The following TMEM272 variants were observed in gnomAD, a reference collection of about 807,000 sequenced individuals.
TMEM272 encodes long intergenic non-protein coding RNA 282.
A neutral mutation model predicts 3.7 loss-of-function variants in TMEM272; 8 were observed. That is an observed-to-expected ratio of 2.17 (90% CI 1.27 to 3.91). The LOEUF (loss-of-function observed/expected upper bound fraction) is 3.91. TMEM272 is among the 30% of genes most tolerant of loss of function. TMEM272 has a pLI of 0.00. For synonymous variants in TMEM272, 63 were observed against 39.8 expected (o/e 1.58, Z -2.20); for missense variants, 166 against 91.5 (o/e 1.81, Z -3.32).
the TMEM272 span, among the ~76,000 whole-genome samples, chr13:51,877,834 A>G: frequency 2.0e-5 from 3 of 152,236 alleles, no homozygotes; most frequent in Non-Finnish European, 1.5e-5. Flanking sequence ...TAAGAAACTT[A>G]AAATTGTAAT....
At chr13:51,894,003 C>G in the TMEM272 span, among the ~76,000 whole-genome samples, 1 of 152,148 alleles carries the variant, frequency 6.6e-6, no homozygotes, top group Non-Finnish European at 1.5e-5. Flanking sequence ...CAGGACGGAG[C>G]CTGGAAGGCC....
At chr13:51,830,607 G>T (rs1456439741) in intron 2 of TMEM272, among the ~76,000 whole-genome samples, 1 of 152,154 alleles carries the variant, frequency 6.6e-6, no homozygotes, top group African/African-American at 2.4e-5. Context: ...ATAAATGCTG[G>T]CCATTATCAT....
At chr13:51,883,745 T>G in the TMEM272 span, among the ~76,000 whole-genome samples, 2 of 152,228 alleles carry the variant, frequency 1.3e-5, no homozygotes, top group Non-Finnish European at 2.9e-5. Flanking sequence ...CATCCCTGTC[T>G]GCCCAGGAAT....
Position 51,816,770 on chromosome 13 carries a change from A to T in TMEM272, c.545T>A (p.Leu182His). 1.4e-6 allele frequency: 1 copy of T among 698,868 alleles called. No individual in the cohort carries two copies. Among genetic ancestry groups the T allele is most frequent in the Non-Finnish European group, 2.6e-6 (1 of 381,510 alleles). 43.3% of individuals were successfully genotyped at this position (698,868 alleles called of 1,614,324 possible). ...CAGCTGTCAGTCTTCATCGGCAGCA[A>T]GTCTCCACCTGGAGCACAGGTAGAC... Reference protein sequence around the residue: ...GCVYLCSRWRLAADED With the variant: ...GCVYLCSRWRHAADED The change falls in exon 5 of 5, where the codon CTT (leucine) becomes CAT (histidine). Residue 182 changes from leucine (L) to histidine (H), a missense_variant. Leu to His is a moderately conservative substitution (Grantham distance 99, BLOSUM62 -3). Transcript: ENST00000629372.
At chr13:51,837,593 G>A (rs1266736027) in intron 2 of TMEM272, among the ~76,000 whole-genome samples, 2 of 152,224 alleles carry the variant, frequency 1.3e-5, no homozygotes, top group Non-Finnish European at 2.9e-5. Flanking sequence ...CTGGGAGGTG[G>A]CTCTTCACTC....
the TMEM272 span, among the ~76,000 whole-genome samples, chr13:51,914,967 G>A: frequency 1.3e-5 from 2 of 152,282 alleles, no homozygotes; most frequent in South Asian, 2.1e-4. Flanking sequence ...ACAATCTGGA[G>A]TATTTTCCTT....
upstream of TMEM272, among the ~76,000 whole-genome samples, chr13:51,847,851 G>A (rs1004819868): frequency 4.6e-5 from 7 of 152,144 alleles, no homozygotes; most frequent in African/African-American, 1.7e-4. Flanking sequence ...GTCTTCCTGG[G>A]AGTTCAGGAA....
At chr13:51,894,119 T>C in the TMEM272 span, among the ~76,000 whole-genome samples, 1 of 152,188 alleles carries the variant, frequency 6.6e-6, no homozygotes, top group Non-Finnish European at 1.5e-5. Flanking sequence ...TTTGTAGTCA[T>C]CACAACTTTA....
At position 51,813,631 on chromosome 13, in the gene TMEM272, C is replaced by G. The variant is rs1283813937; in HGVS notation, c.*3120G>C. On this transcript the variant is annotated 3_prime_UTR_variant, in exon 5 of 5. Transcript: ENST00000629372. ...AACCAGCTGGGCCCCACAAGTCAGT[C>G]TCTGGGGGCTGTGATTCTGCATTGC... 1 of 199,434 alleles carries G rather than the reference C, an allele frequency of 5.0e-6. No homozygotes were observed. The highest frequency in any genetic ancestry group is 1.0e-5 in the Non-Finnish European group (1 of 99,576). 12.4% of individuals were successfully genotyped at this position (199,434 alleles called of 1,614,324 possible). A position where few individuals can be genotyped will look rare whatever the true frequency, so the allele number is the denominator to read the frequency against.
chr13:51,880,722 T>C, the TMEM272 span, among the ~76,000 whole-genome samples: 1 of 152,218 alleles, frequency 6.6e-6, no homozygotes, highest in Non-Finnish European at 1.5e-5. Flanking sequence ...CATTTTTGAA[T>C]GTGGGCAGCA....
upstream of TMEM272, among the ~76,000 whole-genome samples, chr13:51,848,956 G>A (rs551611508): frequency 6.6e-5 from 10 of 152,176 alleles, no homozygotes; most frequent in African/African-American, 1.9e-4. Flanking sequence ...TTGAGTCACC[G>A]TTTCTATATT....
chr13:51,908,604 G>T, the TMEM272 span: 1 of 1,504,172 alleles, frequency 6.6e-7, no homozygotes, highest in Non-Finnish European at 9.2e-7. Flanking sequence ...AGATGAATCA[G>T]CCACATTTAA....
the TMEM272 span, chr13:51,909,706 C>G: frequency 6.4e-7 from 1 of 1,553,038 alleles, no homozygotes; most frequent in South Asian, 1.1e-5. Flanking sequence ...GGAGGATTAT[C>G]TAAGTAAGCA....
chr13:51,902,087 C>T, the TMEM272 span, among the ~76,000 whole-genome samples: 1 of 152,202 alleles, frequency 6.6e-6, no homozygotes. Context: ...AGGGGGGTTA[C>T]TGCAGACCTC....
chr13:51,816,890 T>C lies in TMEM272; in HGVS notation c.425A>G (p.Gln142Arg), dbSNP rs781295145. The change falls in exon 5 of 5, where the codon CAG becomes CGG. Residue 142 changes from glutamine to arginine, a missense_variant. Coordinates refer to ENST00000629372, the MANE Select transcript of TMEM272 (RefSeq NM_001351003.2). Reference sequence around the variant, plus strand: ...GTACAGGGTTTTGTCACAGTAGTCCTGAGGCTGCTGGAAAGGGGGAAGAAA... The same window carrying C: ...GTACAGGGTTTTGTCACAGTAGTCCCGAGGCTGCTGGAAAGGGGGAAGAAA... The part of the protein sequence containing the change: ...PDFLPPFQQP[Q>R]DYCDKTLYLF... 1.4e-6 allele frequency: 1 copy of C among 702,980 alleles called. No homozygotes were observed. Among genetic ancestry groups the C allele is most frequent in the Non-Finnish European group, 2.6e-6 (1 of 384,996 alleles). 43.5% of individuals were successfully genotyped at this position (702,980 alleles called of 1,614,324 possible).
chr13:51,876,339 C>A, the TMEM272 span, among the ~76,000 whole-genome samples: 3 of 152,210 alleles, frequency 2.0e-5, no homozygotes, highest in East Asian at 1.9e-4. Context: ...ATTAAAAGAT[C>A]TTCAGGCAGG....
the TMEM272 span, chr13:51,908,191 T>C: frequency 4.5e-6 from 3 of 669,274 alleles, no homozygotes; most frequent in East Asian, 5.2e-5. Context: ...AAAATGACTT[T>C]TGAAGACAGC....
At chr13:51,858,687 T>A in the TMEM272 span, among the ~76,000 whole-genome samples, 3 of 152,136 alleles carry the variant, frequency 2.0e-5, no homozygotes, top group African/African-American at 7.2e-5. Flanking sequence ...CAGGAAAAGA[T>A]TAGGCTTGTG....
chr13:51,926,571 G>C, the TMEM272 span, among the ~76,000 whole-genome samples: 1 of 144,434 alleles, frequency 6.9e-6, no homozygotes, highest in Admixed American at 6.9e-5. Context: ...GGAAGAGCCC[G>C]TGAGAGGCAA....
Sources: allele counts gnomAD v4.1 joint callset (sites outside exome capture counted in the v4.1 genomes callset), GRCh38; gene constraint gnomAD v4.1.1; transcripts MANE v1.5; gene names NCBI Gene and HGNC (gene_info 2026-07-23, HGNC 2026-07-21).